The following ARPP21 variants were observed in gnomAD, a reference collection of about 807,000 sequenced individuals.
The protein encoded by ARPP21 is cAMP regulated phosphoprotein 21, also known as cAMP-regulated phosphoprotein 21.
In ARPP21, 69 loss-of-function variants were observed where a neutral mutation model predicts 113.2. That is an observed-to-expected ratio of 0.61 (90% CI 0.50 to 0.74). The LOEUF is 0.74. Among genes scored for constraint, ARPP21 ranks in the 30% least tolerant of loss-of-function variants. The pLI is 0.00. For synonymous variants in ARPP21, 368 were observed against 375.5 expected (o/e 0.98, Z 0.23); for missense variants, 1,070 against 1,037.4 (o/e 1.03, Z -0.43).
intron 19 of ARPP21, among the ~76,000 whole-genome samples, chr3:35,777,447 T>C (rs536757086): frequency 7.3e-4 from 111 of 152,202 alleles, no homozygotes; most frequent in Admixed American, 1.8e-3. Context: ...ATGGAGCTTG[T>C]GAATTTCCCA....
intron 9 of ARPP21, among the ~76,000 whole-genome samples, chr3:35,693,526 T>C (rs1180445992): frequency 1.3e-5 from 2 of 151,684 alleles, no homozygotes; most frequent in Admixed American, 1.3e-4. Flanking sequence ...ATCACAGTTT[T>C]CAGAACCTGA....
chr3:35,668,018 A>AAGG (rs1559550345), intron 1 of ARPP21, among the ~76,000 whole-genome samples: 1 of 136,798 alleles, frequency 7.3e-6, no homozygotes, highest in Non-Finnish European at 1.6e-5. Flanking sequence ...GAAGAAGAAG[A>AAGG]AGAAGAAGAA....
intron 19 of ARPP21, among the ~76,000 whole-genome samples, chr3:35,783,303 G>A (rs892811872): frequency 1.3e-5 from 2 of 151,958 alleles, no homozygotes; most frequent in African/African-American, 4.8e-5. Context: ...CCAAACCCCA[G>A]ACTTTTTGCT....
chr3:35,758,999 A>G (rs1037295450), intron 19 of ARPP21, among the ~76,000 whole-genome samples: 47 of 152,194 alleles, frequency 3.1e-4, no homozygotes, highest in Admixed American at 3.1e-3. Flanking sequence ...CATGTAAGAT[A>G]TATTTTAAAC....
intron 10 of ARPP21, among the ~76,000 whole-genome samples, 158 bp from the exon 11 acceptor site, chr3:35,708,811 T>G (rs2090121561): frequency 6.6e-6 from 1 of 152,224 alleles, no homozygotes; most frequent in Admixed American, 6.5e-5. Context: ...ACATGGTACA[T>G]GCACCCAACA....
At chr3:35,732,212 GC>G in intron 15 of ARPP21, among the ~76,000 whole-genome samples, 1 of 151,814 alleles carries the variant, frequency 6.6e-6, no homozygotes, top group East Asian at 1.9e-4. Flanking sequence ...CCAATCATGT[GC>G]CTACTAAATG....
chr3:35,728,278 G>A lies in ARPP21; in HGVS notation c.1226-1025G>A, dbSNP rs529387851. ...CTGTCGCCCAGGCTGGAGTGCAGTG[G>A]TGCAATCTCGGCTCACTGCAACCTC... On this transcript the variant is annotated intron_variant, in intron 14 of 20. Coordinates refer to ENST00000684406, the MANE Select transcript of ARPP21 (RefSeq NM_001385562.1). Among the ~76,000 whole-genome samples the A allele has an allele frequency of 4.5e-3, 654 of 144,608 alleles. 4 individuals carry two copies. Among genetic ancestry groups the A allele is most frequent in the African/African-American group, 0.015 (604 of 38,986 alleles). 94.9% of individuals were successfully genotyped at this position (144,608 alleles called of 152,430 possible).
At chr3:35,746,077 G>T (rs371819720) in intron 19 of ARPP21, among the ~76,000 whole-genome samples, 221 of 152,304 alleles carry the variant, frequency 1.5e-3, no homozygotes, top group African/African-American at 5.1e-3. Flanking sequence ...AAACAGTATT[G>T]TCCCCAGAAA....
chr3:35,689,119 A>G (rs904626575), intron 6 of ARPP21, among the ~76,000 whole-genome samples, 188 bp from the exon 7 acceptor site: 3 of 151,546 alleles, frequency 2.0e-5, no homozygotes, highest in Non-Finnish European at 4.4e-5. Flanking sequence ...GGTGTTTTCA[A>G]TCCCGGAATC....
chr3:35,706,308 A>G (rs1394204823), intron 9 of ARPP21, among the ~76,000 whole-genome samples: 2 of 152,208 alleles, frequency 1.3e-5, no homozygotes, highest in African/African-American at 2.4e-5. Context: ...AAAAAAATCA[A>G]TTGACTAATC....
intron 19 of ARPP21, among the ~76,000 whole-genome samples, chr3:35,773,367 AG>A (rs1443764418): frequency 6.6e-6 from 1 of 152,148 alleles, no homozygotes; most frequent in Non-Finnish European, 1.5e-5. Context: ...GAAATTTGGC[AG>A]GGGAAGTAAC....
rs943008999 is a variant in ARPP21, at chr3:35,792,307, C to A, written c.2138-75C>A. 4.5e-6 allele frequency: 6 copies of A among 1,342,774 alleles called. No homozygotes were observed. In the South Asian group the frequency reaches 5.0e-5, roughly 11 times the overall value. The allele number at this position is 1,342,774 out of a possible 1,614,324, so 83.2% of individuals were successfully genotyped here. A position where few individuals can be genotyped will look rare whatever the true frequency, so the allele number is the denominator to read the frequency against. On this transcript the variant is annotated intron_variant, in intron 19 of 20. Coordinates refer to ENST00000684406, the MANE Select transcript of ARPP21 (RefSeq NM_001385562.1). Reference sequence around the variant, plus strand: ...AGATGTCTGAAGGCTGCCTTTTGAACCAGTAGTTTTACCCCATGAAACATC... The same window carrying A: ...AGATGTCTGAAGGCTGCCTTTTGAAACAGTAGTTTTACCCCATGAAACATC...
At chr3:35,655,306 C>A (rs982225091) in intron 1 of ARPP21, among the ~76,000 whole-genome samples, 2 of 151,688 alleles carry the variant, frequency 1.3e-5, no homozygotes, top group Non-Finnish European at 2.9e-5. Flanking sequence ...AAAGAATAAT[C>A]TTTATTATTA....
intron 14 of ARPP21, among the ~76,000 whole-genome samples, chr3:35,724,275 C>T (rs2093358013): frequency 6.6e-6 from 1 of 152,184 alleles, no homozygotes; most frequent in Admixed American, 6.5e-5. Context: ...CGATTGTATC[C>T]TCCTTACCGA....
intron 1 of ARPP21, among the ~76,000 whole-genome samples, chr3:35,667,621 A>G (rs1408117681): frequency 2.0e-5 from 3 of 152,052 alleles, no homozygotes; most frequent in Non-Finnish European, 4.4e-5. Flanking sequence ...ACTTCTTAAT[A>G]TATTTGAAAG....
At chr3:35,728,955 G>A (rs902132368) in intron 14 of ARPP21, among the ~76,000 whole-genome samples, 1 of 152,018 alleles carries the variant, frequency 6.6e-6, no homozygotes, top group Non-Finnish European at 1.5e-5. Context: ...CATTTCCATG[G>A]TACTAACTAC....
At chr3:35,751,194 A>G (rs1019205311) in intron 19 of ARPP21, among the ~76,000 whole-genome samples, 5 of 152,188 alleles carry the variant, frequency 3.3e-5, no homozygotes, top group Non-Finnish European at 7.3e-5. Context: ...ATCATTTGAT[A>G]TGGATTCTGA....
At chr3:35,678,741 G>A (rs981251795) in intron 1 of ARPP21, 1 of 151,956 alleles carries the variant, frequency 6.6e-6, no homozygotes, top group Non-Finnish European at 1.5e-5. Flanking sequence ...GGAACCAGCT[G>A]TGCTCATTTA....
At chr3:35,710,542 A>AACAC (rs3086903) in intron 11 of ARPP21, among the ~76,000 whole-genome samples, 4,543 of 132,872 alleles carry the variant, frequency 0.034, 63 homozygotes, top group East Asian at 0.047. Context: ...CTCTCTCTCA[A>AACAC]ACACACACAC....
Sources: allele counts gnomAD v4.1 joint callset (sites outside exome capture counted in the v4.1 genomes callset), GRCh38; gene constraint gnomAD v4.1.1; transcripts MANE v1.5; gene names NCBI Gene and HGNC (gene_info 2026-07-23, HGNC 2026-07-21).